Variants in ANKS1B observed in about 807,000 individuals in gnomAD.
ANKS1B encodes ankyrin repeat and sterile alpha motif domain-containing protein 1B.
A neutral mutation model predicts 148.3 loss-of-function variants in ANKS1B; 36 were observed. The observed-to-expected ratio is 0.24, with a 90% CI of 0.19 to 0.32. The LOEUF (loss-of-function observed/expected upper bound fraction) is 0.32, where lower values mean the gene tolerates loss of function less well. ANKS1B is among the 10% of genes least tolerant of loss of function. The pLI is 1.00. For synonymous variants in ANKS1B, 542 were observed against 560.8 expected, an observed-to-expected ratio of 0.97 and a Z score of 0.47; for missense variants, 1,157 against 1,542.6, an observed-to-expected ratio of 0.75 and a Z score of 4.19.
intron 15 of ANKS1B, among the ~76,000 whole-genome samples, chr12:99,112,482 T>G (rs887691242): frequency 1.3e-5 from 2 of 151,908 alleles, no homozygotes; most frequent in Admixed American, 1.3e-4. Context: ...TCTTGTCTTT[T>G]TTGTTGTTGT....
At chr12:98,898,844 C>T (rs2099768392) in intron 17 of ANKS1B, among the ~76,000 whole-genome samples, 1 of 152,104 alleles carries the variant, frequency 6.6e-6, no homozygotes, top group African/African-American at 2.4e-5. Context: ...ACCACTGTAA[C>T]CCAGTGAAAA....
intron 17 of ANKS1B, among the ~76,000 whole-genome samples, chr12:98,908,182 A>G (rs2099782007): frequency 6.6e-6 from 1 of 152,150 alleles, no homozygotes; most frequent in East Asian, 1.9e-4. Context: ...GTGGGCCTGT[A>G]GGAAAGGGAG....
chr12:98,957,586 T>C (rs1363028674), intron 17 of ANKS1B, among the ~76,000 whole-genome samples: 4 of 152,010 alleles, frequency 2.6e-5, no homozygotes, highest in African/African-American at 9.7e-5. Flanking sequence ...GACCTTGTGA[T>C]CCACCTGCCT....
At chr12:99,495,933 G>T (rs1429083425) in intron 10 of ANKS1B, among the ~76,000 whole-genome samples, 1 of 152,214 alleles carries the variant, frequency 6.6e-6, no homozygotes, top group East Asian at 1.9e-4. Flanking sequence ...GTTGCAGAAG[G>T]TATAGTAGAG....
intron 14 of ANKS1B, among the ~76,000 whole-genome samples, chr12:99,184,535 T>G (rs1033209477): frequency 6.6e-6 from 1 of 152,232 alleles, no homozygotes; most frequent in Non-Finnish European, 1.5e-5. Flanking sequence ...TATGTGACCT[T>G]AGCTATCTTG....
chr12:98,739,283 C>T (rs146756691), downstream of ANKS1B, among the ~76,000 whole-genome samples: 5 of 152,322 alleles, frequency 3.3e-5, no homozygotes, highest in Non-Finnish European at 5.9e-5. Flanking sequence ...ACTAAGCTCT[C>T]GGAGAAGGCA....
rs12304494 is a variant in ANKS1B, at chr12:99,953,056, C to T, written c.134+31048G>A. Among the ~76,000 whole-genome samples, 327 of 152,130 alleles carry T rather than the reference C, an allele frequency of 2.1e-3. 1 individual carries two copies. Among genetic ancestry groups the T allele is most frequent in the African/African-American group, 7.6e-3 (315 of 41,506 alleles). On this transcript the variant is annotated intron_variant, in intron 1 of 26. Coordinates refer to ENST00000683438, the MANE Select transcript of ANKS1B (RefSeq NM_001352186.2). ...CACAGGTGAAGCTCAAGATAAAGGT[C>T]AGAATTAGAGATGTAAATTGGAGAA... is the stretch of plus-strand genomic sequence containing the variant.
chr12:99,896,000 T>C (rs1433204205), intron 1 of ANKS1B, among the ~76,000 whole-genome samples: 2 of 151,264 alleles, frequency 1.3e-5, no homozygotes, highest in South Asian at 2.1e-4. Flanking sequence ...TAACATGATG[T>C]TTTGATATAT....
At chr12:99,126,798 G>C (rs906204738) in intron 15 of ANKS1B, among the ~76,000 whole-genome samples, 1 of 152,114 alleles carries the variant, frequency 6.6e-6, no homozygotes, top group Non-Finnish European at 1.5e-5. Context: ...AAACAAAGAA[G>C]TTACTCTACA....
intron 12 of ANKS1B, among the ~76,000 whole-genome samples, chr12:99,257,711 T>G (rs549908140): frequency 6.6e-6 from 1 of 152,336 alleles, no homozygotes; most frequent in South Asian, 2.1e-4. Context: ...TCAAGGTATT[T>G]AGAAATAATT....
chr12:99,608,564 A>C (rs1394105311), intron 9 of ANKS1B, among the ~76,000 whole-genome samples: 1 of 152,100 alleles, frequency 6.6e-6, no homozygotes, highest in Non-Finnish European at 1.5e-5. Flanking sequence ...CCATGAATCC[A>C]AAAGTCAAAT....
intron 16 of ANKS1B, among the ~76,000 whole-genome samples, chr12:99,074,676 T>C (rs1941297210): frequency 6.6e-6 from 1 of 152,192 alleles, no homozygotes; most frequent in Admixed American, 6.5e-5. Flanking sequence ...AGGCCGCCAG[T>C]GCTGTCATGC....
intron 8 of ANKS1B, among the ~76,000 whole-genome samples, chr12:99,701,727 C>T (rs540755029): frequency 8.5e-5 from 13 of 152,060 alleles, no homozygotes; most frequent in Non-Finnish European, 1.9e-4. Flanking sequence ...CATCATTTTA[C>T]TCTCTGTCCC....
intron 17 of ANKS1B, among the ~76,000 whole-genome samples, chr12:98,841,616 C>T (rs1595207784): frequency 6.6e-6 from 1 of 152,148 alleles, no homozygotes; most frequent in East Asian, 1.9e-4. Flanking sequence ...CTTAGCCTAG[C>T]CAGCTACTAC....
intron 15 of ANKS1B, among the ~76,000 whole-genome samples, chr12:99,135,344 T>C (rs559378787): frequency 6.6e-6 from 1 of 152,186 alleles, no homozygotes; most frequent in African/African-American, 2.4e-5. Flanking sequence ...AACGAAGAGA[T>C]AGATAGAAAT....
chr12:99,233,764 G>T (rs1260498631), intron 14 of ANKS1B, among the ~76,000 whole-genome samples: 2 of 152,104 alleles, frequency 1.3e-5, no homozygotes, highest in Non-Finnish European at 2.9e-5. Context: ...GAAAATTGGG[G>T]TGGTAGGAAA....
At chr12:99,259,596 G>A (rs372045350) in intron 12 of ANKS1B, among the ~76,000 whole-genome samples, 23 of 152,320 alleles carry the variant, frequency 1.5e-4, no homozygotes, top group Admixed American at 3.9e-4. Context: ...TTTCCCCACC[G>A]TTTATAGCAA....
intron 9 of ANKS1B, among the ~76,000 whole-genome samples, chr12:99,521,258 A>T (rs1198273893): frequency 6.6e-6 from 1 of 152,128 alleles, no homozygotes; most frequent in Non-Finnish European, 1.5e-5. Flanking sequence ...TCTCTTTGTT[A>T]AATTTATGTA....
chr12:99,607,161 C>T (rs372910433), intron 9 of ANKS1B, among the ~76,000 whole-genome samples: 58 of 152,124 alleles, frequency 3.8e-4, no homozygotes, highest in African/African-American at 1.1e-3. Flanking sequence ...GCAGCCTAGG[C>T]GCTGCAGAAA....
Sources: allele counts gnomAD v4.1 joint callset (sites outside exome capture counted in the v4.1 genomes callset), GRCh38; gene constraint gnomAD v4.1.1; transcripts MANE v1.5; gene names NCBI Gene and HGNC (gene_info 2026-07-23, HGNC 2026-07-21).